Variants in MTUS2 observed in about 807,000 individuals in gnomAD.
MTUS2 encodes microtubule-associated tumor suppressor candidate 2.
A neutral mutation model predicts 114.1 loss-of-function variants in MTUS2; 40 were observed. That is an observed-to-expected ratio of 0.35 (90% CI 0.27 to 0.46). MTUS2 has a LOEUF of 0.46. MTUS2 is among the 20% of genes least tolerant of loss of function. The pLI, the probability that MTUS2 is intolerant of heterozygous loss-of-function variation, is 1.00. For missense variants in MTUS2, 1,679 were observed against 1,705.4 expected, an observed-to-expected ratio of 0.98 and a Z score of 0.27; for synonymous variants, 688 against 672.0, an observed-to-expected ratio of 1.02 and a Z score of -0.37.
chr13:29,456,369 A>C (rs565462602), intron 9 of MTUS2, among the ~76,000 whole-genome samples: 2 of 152,354 alleles, frequency 1.3e-5, no homozygotes, highest in South Asian at 4.1e-4. Flanking sequence ...GACTATAGCA[A>C]CCAGGTCTAA....
intron 2 of MTUS2, among the ~76,000 whole-genome samples, chr13:29,005,131 G>A (rs545778624): frequency 1.3e-5 from 2 of 152,226 alleles, no homozygotes; most frequent in East Asian, 1.9e-4. Context: ...CTACAACCCC[G>A]GCCACTTCTG....
chr13:29,172,208 T>C (rs1237791876), intron 5 of MTUS2, among the ~76,000 whole-genome samples: 1 of 152,252 alleles, frequency 6.6e-6, no homozygotes, highest in East Asian at 1.9e-4. Flanking sequence ...TGGACAGGTC[T>C]CTTCAGTTTA....
At chr13:29,257,578 A>T (rs1897322411) in intron 5 of MTUS2, among the ~76,000 whole-genome samples, 1 of 152,186 alleles carries the variant, frequency 6.6e-6, no homozygotes, top group Non-Finnish European at 1.5e-5. Flanking sequence ...TTGATCTTAA[A>T]AGGAGTTTGG....
At chr13:29,038,738 G>T (rs1474883580) in intron 4 of MTUS2, among the ~76,000 whole-genome samples, 1 of 152,242 alleles carries the variant, frequency 6.6e-6, no homozygotes, top group Non-Finnish European at 1.5e-5. Flanking sequence ...GAGATGCCCT[G>T]CCCAGACGGG....
chr13:29,236,385 C>G (rs1485907005), intron 5 of MTUS2, among the ~76,000 whole-genome samples: 1 of 152,064 alleles, frequency 6.6e-6, no homozygotes, highest in Non-Finnish European at 1.5e-5. Context: ...ATAATTCTGA[C>G]CCCAGTCAGT....
At position 29,497,271 on chromosome 13, in the gene MTUS2, T is replaced by A. The variant is rs751128926; in HGVS notation, c.3613T>A (p.Ser1205Thr). The A allele has an allele frequency of 1.8e-5, 29 of 1,612,026 alleles. No individual in the cohort carries two copies. Residue 1205 changes from serine to threonine, a missense_variant, in exon 13 of 16, where the codon TCT becomes ACT. Transcript: ENST00000612955. ...GGACACGCTGACCTTCCAGAGCCAG[T>A]CTCTGCGGGACAGAGCCCGCCGCTT... The part of the protein sequence containing the change: ...QVDTLTFQSQ[S>T]LRDRARRFEE...
chr13:29,184,299 T>C (rs575235748), intron 5 of MTUS2, among the ~76,000 whole-genome samples: 5 of 152,348 alleles, frequency 3.3e-5, no homozygotes, highest in Admixed American at 2.0e-4. Flanking sequence ...GCCTCCCTTA[T>C]TTCCTCACCT....
At chr13:29,168,184 C>T (rs1593550497) in intron 5 of MTUS2, among the ~76,000 whole-genome samples, 2 of 152,282 alleles carry the variant, frequency 1.3e-5, no homozygotes, top group East Asian at 3.9e-4. Flanking sequence ...GATGCCTTCC[C>T]TCGACGTTAG....
At chr13:28,889,476 CGTT>C (rs751937656) in intron 2 of MTUS2, among the ~76,000 whole-genome samples, 3 of 152,110 alleles carry the variant, frequency 2.0e-5, no homozygotes, top group African/African-American at 4.8e-5. Flanking sequence ...CTCTCTGTGT[CGTT>C]GGGCTTGCAT....
chr13:29,267,729 T>C (rs3011447), intron 5 of MTUS2, among the ~76,000 whole-genome samples: 144,922 of 152,088 alleles, frequency 0.95, 69,391 homozygotes, highest in East Asian at 1. Context: ...ATGAAGCCCC[T>C]AAAGGAGAGG....
intron 2 of MTUS2, among the ~76,000 whole-genome samples, chr13:28,976,815 A>G (rs1884130666): frequency 6.6e-6 from 1 of 152,218 alleles, no homozygotes; most frequent in Admixed American, 6.5e-5. Context: ...ATGAATTTGA[A>G]ACATTGGAAG....
intron 2 of MTUS2, among the ~76,000 whole-genome samples, chr13:28,883,650 A>AG (rs778045526): frequency 6.6e-6 from 1 of 152,064 alleles, no homozygotes; most frequent in Non-Finnish European, 1.5e-5. Flanking sequence ...GGAATGGGGG[A>AG]GGGTCTGGCT....
intron 5 of MTUS2, among the ~76,000 whole-genome samples, chr13:29,105,934 T>A (rs1890648190): frequency 6.6e-6 from 1 of 152,128 alleles, no homozygotes; most frequent in Non-Finnish European, 1.5e-5. Context: ...TCAGAAAACT[T>A]CCTGAATCTG....
At chr13:28,852,405 A>G (rs1221025419) in intron 2 of MTUS2, among the ~76,000 whole-genome samples, 1 of 152,056 alleles carries the variant, frequency 6.6e-6, no homozygotes, top group East Asian at 1.9e-4. Context: ...AATATCTGTT[A>G]GAAAAAAAAG....
Position 29,025,302 on chromosome 13 carries a change from T to A in MTUS2, c.604T>A (p.Ser202Thr). The A allele has an allele frequency of 6.2e-7, 1 of 1,613,742 alleles. No individual in the cohort carries two copies. Among genetic ancestry groups the A allele is most frequent in the Non-Finnish European group, 8.5e-7 (1 of 1,179,854 alleles). The change falls in exon 3 of 16, where the codon TCC (serine) becomes ACC (threonine). Residue 202 changes from serine to threonine, a missense_variant. Physicochemically the swap from Ser to Thr is moderately conservative, Grantham distance 58. Coordinates refer to ENST00000612955, the MANE Select transcript of MTUS2 (RefSeq NM_001033602.4). The stretch of plus-strand genomic sequence containing the variant: ...GCATCCACAGCCTCTATCCCTCGAC[T>A]CCCGGGAAGCACGGGGTCAGATACC... ...PQHPQPLSLD[S>T]REARGQIPGG...
chr13:28,882,446 G>T (rs1042595565), intron 2 of MTUS2, among the ~76,000 whole-genome samples: 3 of 152,080 alleles, frequency 2.0e-5, no homozygotes, highest in African/African-American at 7.2e-5. Context: ...TAATAAAACA[G>T]ACTTTTGGAG....
At chr13:29,091,956 G>A (rs1001240418) in intron 4 of MTUS2, among the ~76,000 whole-genome samples, 9 of 152,200 alleles carry the variant, frequency 5.9e-5, no homozygotes, top group African/African-American at 1.4e-4. Flanking sequence ...GAAAGACCCC[G>A]GTGGAGGTGG....
intron 2 of MTUS2, among the ~76,000 whole-genome samples, chr13:28,997,266 G>C (rs944251977): frequency 2.0e-5 from 3 of 152,168 alleles, no homozygotes; most frequent in Non-Finnish European, 4.4e-5. Context: ...GAGACAGTTT[G>C]TTATAATTTC....
chr13:29,419,471 G>C (rs1445671618), intron 8 of MTUS2, among the ~76,000 whole-genome samples: 1 of 152,186 alleles, frequency 6.6e-6, no homozygotes, highest in African/African-American at 2.4e-5. Flanking sequence ...GAGGTGGGGA[G>C]ACCAGTTCTG....
Sources: gnomAD v4.1 joint callset for allele counts (sites outside exome capture counted in the v4.1 genomes callset) on GRCh38, gnomAD v4.1.1 for gene constraint, MANE v1.5 for transcripts, NCBI Gene and HGNC (gene_info 2026-07-23, HGNC 2026-07-21) for gene names.